TTC39B: variants seen among roughly 807,000 people sequenced by gnomAD.
TTC39B encodes tetratricopeptide repeat protein 39B.
TTC39B carries 92 observed loss-of-function variants against 96.6 expected under a neutral mutation model. The ratio of observed to expected loss-of-function variants is 0.95; its 90% CI spans 0.80 to 1.13. TTC39B has a LOEUF of 1.13. TTC39B is among the 50% of genes most tolerant of loss of function. TTC39B has a pLI of 0.00. For missense variants in TTC39B, 955 were observed against 809.3 expected, an observed-to-expected ratio of 1.18 and a Z score of -2.18; for synonymous variants, 367 against 299.4, an observed-to-expected ratio of 1.23 and a Z score of -2.33.
intron 18 of TTC39B, among the ~76,000 whole-genome samples, chr9:15,175,665 C>G (rs1817897221): frequency 6.6e-6 from 1 of 152,138 alleles, no homozygotes; most frequent in South Asian, 2.1e-4. Flanking sequence ...AAATGCATAG[C>G]TTAGCTCACC....
At chr9:15,288,530 C>T (rs1824063257) in intron 1 of TTC39B, among the ~76,000 whole-genome samples, 1 of 152,228 alleles carries the variant, frequency 6.6e-6, no homozygotes, top group Non-Finnish European at 1.5e-5. Flanking sequence ...ATCATCTTCC[C>T]ACTCCATCCC....
At chr9:15,298,770 T>C (rs13286025) in intron 1 of TTC39B, among the ~76,000 whole-genome samples, 17,015 of 152,078 alleles carry the variant, frequency 0.11, 1,371 homozygotes, top group African/African-American at 0.22. Flanking sequence ...ATATATTATG[T>C]CCCATTTCTC....
chr9:15,287,070 CA>C (rs1368173602), intron 1 of TTC39B, among the ~76,000 whole-genome samples: 1 of 152,020 alleles, frequency 6.6e-6, no homozygotes, highest in African/African-American at 2.4e-5. Context: ...TTTTTCATTC[CA>C]AAATGGACTT....
rs1188354041 is a variant in TTC39B, at chr9:15,294,645, G to C, written c.240+12439C>G. On this transcript the variant is annotated intron_variant, in intron 1 of 19. Coordinates refer to ENST00000512701, the Ensembl canonical transcript of TTC39B. ...TTCCCCTCCCACTCAGGAAAGGAAA[G>C]GAAAGGTGGGAGGATGTAAACTTGA... Among the ~76,000 whole-genome samples, 3 of 152,176 alleles carry C rather than the reference G, an allele frequency of 2.0e-5. No homozygotes were observed. In the East Asian group the frequency reaches 5.8e-4, roughly 29 times the overall value.
At chr9:15,290,566 C>T (rs939784210) in intron 1 of TTC39B, among the ~76,000 whole-genome samples, 1 of 152,228 alleles carries the variant, frequency 6.6e-6, no homozygotes, top group African/African-American at 2.4e-5. Context: ...CTACCATCCA[C>T]CCAGAGACAA....
At chr9:15,220,664 G>C (rs896989649) in intron 3 of TTC39B, among the ~76,000 whole-genome samples, 3 of 150,058 alleles carry the variant, frequency 2.0e-5, no homozygotes, top group African/African-American at 7.3e-5. Context: ...GGGAAGCAGA[G>C]TTTTTTTTTT....
intron 2 of TTC39B, among the ~76,000 whole-genome samples, chr9:15,230,238 C>G (rs664124): frequency 0.35 from 53,772 of 152,086 alleles, 10,411 homozygotes; most frequent in East Asian, 0.66. Context: ...CAGCTTTATT[C>G]AGACCTAATT....
intron 2 of TTC39B, among the ~76,000 whole-genome samples, chr9:15,227,557 T>C (rs1220045183): frequency 6.6e-6 from 1 of 152,156 alleles, no homozygotes; most frequent in Non-Finnish European, 1.5e-5. Flanking sequence ...GAAAATGTCA[T>C]TAGAAGACAA....
chr9:15,260,775 C>T (rs1231520865), intron 2 of TTC39B, among the ~76,000 whole-genome samples: 2 of 151,926 alleles, frequency 1.3e-5, no homozygotes, highest in East Asian at 1.9e-4. Context: ...GGCCAAGAAG[C>T]GATCAAAATA....
chr9:15,280,104 GCCTGGCTGATCTTGAACT>G (rs1312038293), intron 1 of TTC39B, among the ~76,000 whole-genome samples: 1 of 152,004 alleles, frequency 6.6e-6, no homozygotes, highest in African/African-American at 2.4e-5. Context: ...TGCCATGTTG[GCCTGGCTGATCTTGAACT>G]CCTGGCCTCA....
intron 1 of TTC39B, among the ~76,000 whole-genome samples, chr9:15,297,815 A>G (rs1404715279): frequency 6.6e-6 from 1 of 152,126 alleles, no homozygotes; most frequent in Non-Finnish European, 1.5e-5. Context: ...GCAGATGCAC[A>G]CCATGATCTC....
chr9:15,281,951 T>TGCCACC, intron 1 of TTC39B, among the ~76,000 whole-genome samples: 2 of 152,196 alleles, frequency 1.3e-5, no homozygotes, highest in Non-Finnish European at 2.9e-5. Flanking sequence ...GTGTTGAGAT[T>TGCCACC]ACAGGCATGA....
intron 3 of TTC39B, among the ~76,000 whole-genome samples, chr9:15,223,875 G>A (rs1317402069): frequency 6.7e-6 from 1 of 149,864 alleles, no homozygotes; most frequent in East Asian, 1.9e-4. Flanking sequence ...GAGTATTTTG[G>A]ATCTTTGGAT....
chr9:15,212,679 G>C (rs1442332639), intron 4 of TTC39B, among the ~76,000 whole-genome samples: 1 of 152,066 alleles, frequency 6.6e-6, no homozygotes, highest in African/African-American at 2.4e-5. Flanking sequence ...CATCTGCCTC[G>C]GCCTCCCAAA....
exon 3 of TTC39B, chr9:15,225,958 T>C: frequency 6.2e-7 from 1 of 1,614,084 alleles, no homozygotes; most frequent in African/African-American, 1.3e-5. Flanking sequence ...GCGCCTGTTG[T>C]GTATCACATG....
chr9:15,287,360 G>A (rs1187118342), intron 1 of TTC39B, among the ~76,000 whole-genome samples: 1 of 152,200 alleles, frequency 6.6e-6, no homozygotes, highest in East Asian at 1.9e-4. Context: ...TAAGAAAGCT[G>A]AGAAACAGCT....
At chr9:15,268,180 C>G (rs1823208794) in intron 1 of TTC39B, among the ~76,000 whole-genome samples, 1 of 152,014 alleles carries the variant, frequency 6.6e-6, no homozygotes, top group South Asian at 2.1e-4. Flanking sequence ...AAATACTCAG[C>G]AAGTGATCAA....
intron 2 of TTC39B, among the ~76,000 whole-genome samples, chr9:15,227,136 G>A (rs540881384): frequency 3.3e-5 from 5 of 152,062 alleles, no homozygotes; most frequent in African/African-American, 7.2e-5. Flanking sequence ...GTGAAACTCC[G>A]TCTCTACTAA....
intron 7 of TTC39B, among the ~76,000 whole-genome samples, chr9:15,202,877 T>G (rs1306707794): frequency 6.6e-6 from 1 of 152,168 alleles, no homozygotes; most frequent in African/African-American, 2.4e-5. Context: ...AAAGTTTATG[T>G]TTTACAGAAG....
Sources: gnomAD v4.1 joint callset for allele counts (sites outside exome capture counted in the v4.1 genomes callset) on GRCh38, gnomAD v4.1.1 for gene constraint, MANE v1.5 for transcripts, NCBI Gene and HGNC (gene_info 2026-07-23, HGNC 2026-07-21) for gene names.